The following UBA6 variants were observed in gnomAD, a reference collection of about 807,000 sequenced individuals.
UBA6 encodes the protein ubiquitin-like modifier-activating enzyme 6.
Under a neutral mutation model 148.3 loss-of-function variants are expected in UBA6, and 87 were observed. That is an observed-to-expected ratio of 0.59 (90% CI 0.49 to 0.70). The LOEUF (loss-of-function observed/expected upper bound fraction) is 0.70, where lower values mean the gene tolerates loss of function less well. UBA6 is among the 30% of genes least tolerant of loss of function. The pLI, the probability that UBA6 is intolerant of heterozygous loss-of-function variation, is 0.00. For synonymous variants in UBA6, 376 were observed against 401.0 expected (o/e 0.94, Z 0.75); for missense variants, 1,186 against 1,241.2 (o/e 0.96, Z 0.67).
chr4:67,663,369 G>A, intron 11 of UBA6, 154 bp from the exon 12 acceptor site: 1 of 525,104 alleles, frequency 1.9e-6, no homozygotes, highest in South Asian at 4.2e-5. Flanking sequence ...GAAACCTGAA[G>A]GTTAGAAGTT....
chr4:67,658,793 T>C (rs149237490), intron 13 of UBA6, among the ~76,000 whole-genome samples: 2,273 of 152,302 alleles, frequency 0.015, 33 homozygotes, highest in Middle Eastern at 0.027. Context: ...TATGATTCCA[T>C]TTATATGACA....
chr4:67,688,258 G>A (rs1730616976), intron 2 of UBA6, among the ~76,000 whole-genome samples: 1 of 152,030 alleles, frequency 6.6e-6, no homozygotes. Context: ...TTCAATGGAG[G>A]GTACTTTCAT....
At chr4:67,695,968 C>A (rs1730821718) in intron 2 of UBA6, among the ~76,000 whole-genome samples, 1 of 152,110 alleles carries the variant, frequency 6.6e-6, no homozygotes, top group African/African-American at 2.4e-5. Flanking sequence ...TCATTCAAAT[C>A]ACAACTATTC....
chr4:67,630,049 A>G (rs893680031), intron 26 of UBA6, among the ~76,000 whole-genome samples: 2 of 152,124 alleles, frequency 1.3e-5, no homozygotes, highest in African/African-American at 2.4e-5. Context: ...GCATTTTCAG[A>G]TTTCCTGAAA....
rs529042978 is a variant in UBA6, at chr4:67,618,051, A to C, written c.*946T>G. 99 of 149,948 alleles carry C rather than the reference A, an allele frequency of 6.6e-4. No individual in the cohort carries two copies. Among genetic ancestry groups the C allele is most frequent in the African/African-American group, 2.3e-3 (94 of 41,156 alleles). The allele number at this position is 149,948 out of a possible 1,614,324, so 9.3% of individuals were successfully genotyped here. A position where few individuals can be genotyped will look rare whatever the true frequency, so the allele number is the denominator to read the frequency against. Reference sequence around the variant, plus strand: ...TCTGTTTAAAAAAAAAAAACAAAAAAAACACAAAATTTAATACCCTAATTA... The same window carrying C: ...TCTGTTTAAAAAAAAAAAACAAAAACAACACAAAATTTAATACCCTAATTA... On this transcript the variant is annotated 3_prime_UTR_variant, in exon 33 of 33. Coordinates refer to ENST00000322244, the MANE Select transcript of UBA6 (RefSeq NM_018227.6).
At chr4:67,687,040 T>G (rs1035940048) in intron 2 of UBA6, among the ~76,000 whole-genome samples, 3 of 144,880 alleles carry the variant, frequency 2.1e-5, no homozygotes, top group Non-Finnish European at 4.6e-5. Flanking sequence ...CTATGTTTTT[T>G]TTTTTTTTTT....
chr4:67,674,197 T>C lies in UBA6; in HGVS notation c.466-420A>G, dbSNP rs555120006. ...GACACATTAGTTGGCTACTAGAACATGTCCATCTGTGGATTTAGTTTTTTT... is the reference window on the plus strand; with the variant it reads ...GACACATTAGTTGGCTACTAGAACACGTCCATCTGTGGATTTAGTTTTTTT... On this transcript the variant is annotated intron_variant, in intron 6 of 32. Coordinates refer to ENST00000322244, the MANE Select transcript of UBA6 (RefSeq NM_018227.6). Among the ~76,000 whole-genome samples the C allele has an allele frequency of 3.0e-4, 45 of 152,340 alleles. No homozygotes were observed. The South Asian group carries it at 8.9e-3, about 30-fold the overall frequency.
chr4:67,663,299 T>C (rs1297199772), intron 11 of UBA6, 84 bp from the exon 12 acceptor site: 3 of 850,126 alleles, frequency 3.5e-6, no homozygotes, highest in Non-Finnish European at 5.7e-6. Context: ...TAAAACATTA[T>C]TTAACCATCA....
At position 67,675,591 on chromosome 4, in the gene UBA6, C is replaced by T. The variant is rs374846248; in HGVS notation, c.466-1814G>A. Among the ~76,000 whole-genome samples the T allele has an allele frequency of 7.9e-5, 12 of 152,054 alleles. No homozygotes were observed. The East Asian group carries it at 2.1e-3, about 27-fold the overall frequency. On this transcript the variant is annotated intron_variant, in intron 6 of 32. Coordinates refer to ENST00000322244, the MANE Select transcript of UBA6 (RefSeq NM_018227.6). ...ACTAAAAATATAAAAATTAGCAGGG[C>T]GTGGTGGCACGTGCCTGTGATCCCA... is the stretch of plus-strand genomic sequence containing the variant.
Position 67,617,303 on chromosome 4 carries a change from TAGTCCTATCCTCTAAAATTCCA to T in UBA6, c.*1672_*1693del, listed in dbSNP as rs1342230058. 3.3e-5 allele frequency: 5 copies of T among 152,146 alleles called. No individual in the cohort carries two copies. Among genetic ancestry groups the T allele is most frequent in the Admixed American group, 2.6e-4 (4 of 15,268 alleles). The allele number at this position is 152,146 out of a possible 1,614,324, so 9.4% of individuals were successfully genotyped here. A position where few individuals can be genotyped will look rare whatever the true frequency, so the allele number is the denominator to read the frequency against. On this transcript the variant is annotated 3_prime_UTR_variant, in exon 33 of 33. Transcript: ENST00000322244. ...GCCTTCTTTGCAAAAGTCCTTTTAT[TAGTCCTATCCTCTAAAATTCCA>T]AGCCACAGAGCCTTGATATTCCTGG...
At position 67,649,107 on chromosome 4, in the gene UBA6, C is replaced by T. The variant is rs1217024683; in HGVS notation, c.1209G>A (p.Leu403=). The T allele has an allele frequency of 6.2e-7, 1 of 1,614,022 alleles. No homozygotes were observed. Among genetic ancestry groups the T allele is most frequent in the East Asian group, 2.2e-5 (1 of 44,862 alleles). ...AVGGVASQEV[L]KAVTGKFSPL... Reference sequence around the variant, plus strand: ...GAGAAAATTTTCCTGTTACAGCTTTCAATACTTCTTGGCTGGCAACACCTC... The same window carrying T: ...GAGAAAATTTTCCTGTTACAGCTTTTAATACTTCTTGGCTGGCAACACCTC... The change falls in exon 14 of 33, where the codon TTG becomes TTA. Residue 403 remains leucine (L), a synonymous_variant. Coordinates refer to ENST00000322244, the MANE Select transcript of UBA6 (RefSeq NM_018227.6).
Position 67,696,516 on chromosome 4 carries a change from CAT to C in UBA6, c.134+127_134+128del, listed in dbSNP as rs145053457. The C allele has an allele frequency of 2.6e-3, 1,541 of 595,578 alleles. 4 individuals carry two copies. The highest frequency in any genetic ancestry group is 3.8e-3 in the Non-Finnish European group (1,299 of 342,944). The allele number at this position is 595,578 out of a possible 1,614,324, so 36.9% of individuals were successfully genotyped here. Reference sequence around the variant, plus strand: ...ATATATATACACACATACATATATACATACACACACACACACACACACACACA... The same window carrying C: ...ATATATATACACACATACATATATACACACACACACACACACACACACACA... On this transcript the variant is annotated intron_variant, in intron 2 of 32. Coordinates refer to ENST00000322244, the MANE Select transcript of UBA6 (RefSeq NM_018227.6).
At chr4:67,693,540 T>C (rs1730749128) in intron 2 of UBA6, among the ~76,000 whole-genome samples, 1 of 152,176 alleles carries the variant, frequency 6.6e-6, no homozygotes, top group South Asian at 2.1e-4. Context: ...TGTTCAAGTG[T>C]CAACTATACT....
intron 6 of UBA6, among the ~76,000 whole-genome samples, chr4:67,675,121 T>C (rs920604518): frequency 6.6e-6 from 1 of 152,200 alleles, no homozygotes; most frequent in Non-Finnish European, 1.5e-5. Flanking sequence ...CTGCCTGCCT[T>C]GACTTCCAAA....
Position 67,665,441 on chromosome 4 carries a change from T to G in UBA6, c.794-149A>C, listed in dbSNP as rs113904698. The G allele has an allele frequency of 3.4e-3, 1,865 of 542,298 alleles. 13 individuals carry two copies. The highest frequency in any genetic ancestry group is 4.6e-3 in the Non-Finnish European group (1,470 of 317,206). The allele number at this position is 542,298 out of a possible 1,614,324, so 33.6% of individuals were successfully genotyped here. ...TTTTTTTGTTTGTTTGTTTTTTTTT[T>G]TTTTTAATGAAGAGCTGGGAGGAGT... On this transcript the variant is annotated intron_variant, in intron 9 of 32. Transcript: ENST00000322244.
chr4:67,666,532 T>C (rs182325637), intron 9 of UBA6, among the ~76,000 whole-genome samples: 3 of 152,168 alleles, frequency 2.0e-5, no homozygotes, highest in East Asian at 1.9e-4. Flanking sequence ...TATACACACA[T>C]ATATATATCT....
At chr4:67,693,093 T>C (rs1407665880) in intron 2 of UBA6, among the ~76,000 whole-genome samples, 1 of 151,782 alleles carries the variant, frequency 6.6e-6, no homozygotes, top group Non-Finnish European at 1.5e-5. Context: ...ACACTGTGTG[T>C]GCCTGCCTCT....
Position 67,616,280 on chromosome 4 carries a change from C to T in UBA6, c.*2717G>A, listed in dbSNP as rs1390806406. The T allele has an allele frequency of 2.6e-6, 1 of 383,984 alleles. No homozygotes were observed. The highest frequency in any genetic ancestry group is 4.6e-6 in the Non-Finnish European group (1 of 217,094). 23.8% of individuals were successfully genotyped at this position (383,984 alleles called of 1,614,324 possible). On this transcript the variant is annotated 3_prime_UTR_variant, in exon 33 of 33. Transcript: ENST00000322244. ...GATATTTGCAATCACAATGAATATTCATTATAGTGGAAAGATTTAGGTCAC... is the reference window on the plus strand; with the variant it reads ...GATATTTGCAATCACAATGAATATTTATTATAGTGGAAAGATTTAGGTCAC...
rs1469665496 is a variant in UBA6 at position 67,673,720 on chromosome 4, G to A, written c.523C>T (p.Arg175Cys). The change falls in exon 7 of 33, where the codon CGT becomes TGT. Residue 175 changes from arginine (R) to cysteine (C), a missense_variant. Physicochemically the swap from Arg to Cys is radical, Grantham distance 180. Coordinates refer to ENST00000322244, the MANE Select transcript of UBA6 (RefSeq NM_018227.6). ...ACCTTAATTGGAGGGCACTGAGAAC[G>A]GCAAAAGTCATTGATCTTCTTCTGC... Reference protein sequence around the residue: ...PLQKKINDFCRSQCPPIKFIS... With the variant: ...PLQKKINDFCCSQCPPIKFIS... The A allele has an allele frequency of 4.3e-6, 7 of 1,610,522 alleles. No homozygotes were observed. The highest frequency in any genetic ancestry group is 1.1e-5 in the South Asian group (1 of 90,734).
Sources: gnomAD v4.1 joint callset for allele counts (sites outside exome capture counted in the v4.1 genomes callset) on GRCh38, gnomAD v4.1.1 for gene constraint, MANE v1.5 for transcripts, NCBI Gene and HGNC (gene_info 2026-07-23, HGNC 2026-07-21) for gene names.